Variants in ANO3 observed in about 807,000 individuals in gnomAD.
The protein encoded by ANO3 is anoctamin-3.
A neutral mutation model predicts 144.8 loss-of-function variants in ANO3; 99 were observed. The observed-to-expected ratio is 0.68, with a 90% CI of 0.58 to 0.81. The LOEUF (loss-of-function observed/expected upper bound fraction) is 0.81, where lower values mean the gene tolerates loss of function less well. Among genes scored for constraint, ANO3 ranks in the 30% least tolerant of loss-of-function variants. ANO3 has a pLI of 0.00. For synonymous variants in ANO3, 414 were observed against 392.6 expected (o/e 1.05, Z -0.64); for missense variants, 905 against 1,202.2 (o/e 0.75, Z 3.66).
chr11:26,311,416 T>C (rs1013533103), intron 1 of ANO3, among the ~76,000 whole-genome samples: 6 of 152,210 alleles, frequency 3.9e-5, no homozygotes, highest in African/African-American at 1.4e-4. Context: ...TCTTCATGAT[T>C]CACAGATATT....
At chr11:26,198,156 T>C (rs1239781707) in intron 1 of ANO3, among the ~76,000 whole-genome samples, 6 of 152,296 alleles carry the variant, frequency 3.9e-5, no homozygotes, top group Non-Finnish European at 1.5e-5. Context: ...AGGATGGTTC[T>C]GGAAGTCAAA....
chr11:26,467,272 C>T (rs559117694), intron 4 of ANO3, among the ~76,000 whole-genome samples: 19 of 151,930 alleles, frequency 1.3e-4, no homozygotes, highest in African/African-American at 3.6e-4. Context: ...CATCACCTCA[C>T]GCATTTATCC....
chr11:26,331,253 C>A (rs1332102109), upstream of ANO3, among the ~76,000 whole-genome samples: 6 of 152,258 alleles, frequency 3.9e-5, 1 homozygote, highest in Middle Eastern at 6.8e-3. Flanking sequence ...ATGGGGTGAT[C>A]TGTGCAGCAA....
chr11:26,192,522 C>G (rs1428700416), intron 1 of ANO3, among the ~76,000 whole-genome samples: 1 of 152,108 alleles, frequency 6.6e-6, no homozygotes, highest in Non-Finnish European at 1.5e-5. Context: ...CCATTGTTAT[C>G]AAAAACAGTG....
chr11:26,625,554 A>G (rs1852557264), intron 18 of ANO3, among the ~76,000 whole-genome samples: 1 of 152,178 alleles, frequency 6.6e-6, no homozygotes, highest in Admixed American at 6.5e-5. Context: ...AATTGTGTAT[A>G]CTTTTTATAC....
chr11:26,412,080 G>T (rs1459887382), intron 1 of ANO3, among the ~76,000 whole-genome samples: 3 of 151,934 alleles, frequency 2.0e-5, no homozygotes, highest in Admixed American at 6.6e-5. Context: ...ATTTCTTAAA[G>T]GGGTAATTTA....
intron 14 of ANO3, 81 bp downstream of exon 14, chr11:26,559,860 ACACAC>A: frequency 1.1e-6 from 1 of 911,640 alleles, no homozygotes; most frequent in Non-Finnish European, 1.8e-6. Context: ...ACACACACAC[ACACAC>A]ACACACACAC....
At chr11:26,307,499 G>C (rs550261403), upstream of ANO3, among the ~76,000 whole-genome samples, 65 of 152,124 alleles carry the variant, frequency 4.3e-4, no homozygotes, top group African/African-American at 1.5e-3. Flanking sequence ...TCAGGAGTTC[G>C]AGACCAGCCT....
chr11:26,502,486 C>T (rs1289328015), intron 4 of ANO3, among the ~76,000 whole-genome samples: 3 of 152,092 alleles, frequency 2.0e-5, no homozygotes, highest in Non-Finnish European at 2.9e-5. Flanking sequence ...CTACATTTTA[C>T]TAACTCACAA....
intron 6 of ANO3, among the ~76,000 whole-genome samples, chr11:26,517,662 G>T (rs1861911240): frequency 6.6e-6 from 1 of 152,018 alleles, no homozygotes; most frequent in South Asian, 2.1e-4. Context: ...AGCACAAACA[G>T]AATGCCAAGT....
chr11:26,469,041 T>C (rs180908438), intron 4 of ANO3, among the ~76,000 whole-genome samples: 173 of 152,058 alleles, frequency 1.1e-3, no homozygotes, highest in Non-Finnish European at 2.1e-3. Flanking sequence ...TTAAGAAGTC[T>C]CCTTTTCAAT....
intron 1 of ANO3, among the ~76,000 whole-genome samples, chr11:26,394,338 T>C (rs1856950992): frequency 6.6e-6 from 1 of 152,080 alleles, no homozygotes; most frequent in Non-Finnish European, 1.5e-5. Context: ...TTCATTATTA[T>C]AGTTATTAAT....
intron 1 of ANO3, among the ~76,000 whole-genome samples, chr11:26,407,765 C>T (rs981791490): frequency 6.6e-6 from 1 of 151,816 alleles, no homozygotes; most frequent in Non-Finnish European, 1.5e-5. Context: ...ATATACCATA[C>T]CAGGCCATTT....
intron 23 of ANO3, among the ~76,000 whole-genome samples, chr11:26,646,870 T>A (rs1853361090): frequency 6.6e-6 from 1 of 152,102 alleles, no homozygotes; most frequent in Admixed American, 6.5e-5. Context: ...CAAATATGAT[T>A]TTTATCGGTT....
At chr11:26,260,227 G>T (rs558707454) in intron 1 of ANO3, among the ~76,000 whole-genome samples, 2 of 152,120 alleles carry the variant, frequency 1.3e-5, no homozygotes, top group Middle Eastern at 6.8e-3. Flanking sequence ...GCTGAGCCAG[G>T]GTTGAAAGAC....
chr11:26,555,703 G>C (rs1850064224), intron 13 of ANO3, among the ~76,000 whole-genome samples: 1 of 152,076 alleles, frequency 6.6e-6, no homozygotes, highest in Non-Finnish European at 1.5e-5. Flanking sequence ...GTAGCTACTT[G>C]TTTTATACTT....
At position 26,518,193 on chromosome 11, in the gene ANO3, T is replaced by C. The variant is rs192421725; in HGVS notation, c.692+1266T>C. Among the ~76,000 whole-genome samples, 46 of 152,178 alleles carry C rather than the reference T, an allele frequency of 3.0e-4. No individual in the cohort carries two copies. The East Asian group carries it at 8.5e-3, about 28-fold the overall frequency. On this transcript the variant is annotated intron_variant, in intron 6 of 26. Coordinates refer to ENST00000256737, the MANE Select transcript of ANO3 (RefSeq NM_031418.4). ...TTGCATTTGTGCTAAACAACATTTC[T>C]TGAGTTCTGGAATTTTTCTATCTTC...
intron 3 of ANO3, among the ~76,000 whole-genome samples, chr11:26,462,328 T>G (rs183028403): frequency 2.1e-3 from 321 of 152,034 alleles, no homozygotes; most frequent in African/African-American, 7.3e-3. Flanking sequence ...ATAAATTTAG[T>G]GAAGTGTGTC....
Position 26,598,378 on chromosome 11 carries a change from G to A in ANO3, c.1461G>A (p.Leu487=). Residue 487 remains leucine, a synonymous_variant, in exon 15 of 27, where the codon CTG becomes CTA. Coordinates refer to ENST00000256737, the MANE Select transcript of ANO3 (RefSeq NM_031418.4). ...IFMAIWATVF[L]EFWKRRRSIL... The stretch of plus-strand genomic sequence containing the variant: ...TATATTTTATAGCCACAGTCTTCCT[G>A]GAGTTTTGGAAAAGGAGAAGGAGTA... The A allele has an allele frequency of 1.9e-6, 3 of 1,545,344 alleles. No homozygotes were observed. The highest frequency in any genetic ancestry group is 2.6e-6 in the Non-Finnish European group (3 of 1,146,758).
Sources: gnomAD v4.1 joint callset for allele counts (sites outside exome capture counted in the v4.1 genomes callset) on GRCh38, gnomAD v4.1.1 for gene constraint, MANE v1.5 for transcripts, NCBI Gene and HGNC (gene_info 2026-07-23, HGNC 2026-07-21) for gene names.